The following LTBP1 variants were observed in gnomAD, a reference collection of about 807,000 sequenced individuals.
The protein encoded by LTBP1 is latent-transforming growth factor beta-binding protein 1.
Under a neutral mutation model 207.6 loss-of-function variants are expected in LTBP1, and 129 were observed. That is an observed-to-expected ratio of 0.62 (90% CI 0.54 to 0.72). The LOEUF (loss-of-function observed/expected upper bound fraction) is 0.72, where lower values mean the gene tolerates loss of function less well. Ranked by LOEUF, LTBP1 falls within the 30% of genes least tolerant of loss-of-function variation. The pLI is 0.00. For missense variants in LTBP1, 2,281 were observed against 2,217.2 expected (o/e 1.03, Z -0.58); for synonymous variants, 963 against 833.7 (o/e 1.16, Z -2.67).
At chr2:33,259,378 G>A (rs1408331244) in intron 12 of LTBP1, among the ~76,000 whole-genome samples, 1 of 152,224 alleles carries the variant, frequency 6.6e-6, no homozygotes, top group Non-Finnish European at 1.5e-5. Context: ...ATGTGCTCCA[G>A]TAGTTGAGGA....
chr2:33,080,139 G>T (rs2078311799), intron 3 of LTBP1, among the ~76,000 whole-genome samples: 1 of 152,104 alleles, frequency 6.6e-6, no homozygotes. Context: ...TGATTCTGCT[G>T]CCTCAGCCTC....
At chr2:33,380,553 G>C (rs1338675259) in intron 31 of LTBP1, among the ~76,000 whole-genome samples, 1 of 151,974 alleles carries the variant, frequency 6.6e-6, no homozygotes, top group Non-Finnish European at 1.5e-5. Context: ...TGGGGGACAA[G>C]AGTGAAACTC....
At position 33,398,432 on chromosome 2, in the gene LTBP1, G is replaced by A. The variant is rs150419741; in HGVS notation, c.5053G>A (p.Asp1685Asn). ...LCKNAKCINT[D>N]GSYKCLCLPG... ...CAAGAATGCCAAGTGCATTAACACC[G>A]ATGGTTCCTACAAGTGTTTGTGTCT... The change falls in exon 34 of 34, where the codon GAT (aspartate) becomes AAT (asparagine). Residue 1685 changes from aspartate (D) to asparagine (N), a missense_variant. Asp to Asn is a conservative substitution (Grantham distance 23, BLOSUM62 1). Around this residue, in one of 3 missense-constraint regions of LTBP1, gnomAD observed 1,671 missense variants for 1,634.8 expected, o/e 1.02. Coordinates refer to ENST00000404816, the MANE Select transcript of LTBP1 (RefSeq NM_206943.4). 9.9e-6 allele frequency: 16 copies of A among 1,614,050 alleles called. No homozygotes were observed. Among genetic ancestry groups the A allele is most frequent in the Admixed American group, 3.3e-5 (2 of 60,004 alleles).
chr2:33,203,268 A>G (rs552852466), intron 7 of LTBP1, among the ~76,000 whole-genome samples: 2 of 152,196 alleles, frequency 1.3e-5, no homozygotes, highest in African/African-American at 2.4e-5. Flanking sequence ...CCTGGAGTCA[A>G]GAAAGATCAG....
chr2:32,999,399 A>ACCTGAGTGACTTTATTAACTACCC (rs1474477643), intron 2 of LTBP1, among the ~76,000 whole-genome samples: 9 of 79,434 alleles, frequency 1.1e-4, no homozygotes, highest in Admixed American at 2.8e-4. Flanking sequence ...AGGCCTAGAC[A>ACCTGAGTGACTTTATTAACTACCC]TGGTGTGTGG....
chr2:33,043,260 T>TATA (rs1484958676), intron 3 of LTBP1, among the ~76,000 whole-genome samples: 1 of 152,318 alleles, frequency 6.6e-6, no homozygotes, highest in East Asian at 1.9e-4. Flanking sequence ...AACTCTTGTA[T>TATA]ATAACAGCTT....
At chr2:33,039,245 A>G (rs991062398) in intron 3 of LTBP1, among the ~76,000 whole-genome samples, 1 of 152,048 alleles carries the variant, frequency 6.6e-6, no homozygotes, top group Non-Finnish European at 1.5e-5. Flanking sequence ...ATTTAGGGGT[A>G]GGAAAGGGGC....
intron 2 of LTBP1, among the ~76,000 whole-genome samples, chr2:33,006,605 A>G (rs58153123): frequency 1.3e-5 from 2 of 150,574 alleles, no homozygotes; most frequent in South Asian, 2.1e-4. Flanking sequence ...CTGGTCTCAA[A>G]CTCCTGACTT....
rs1008343826 is a variant in LTBP1, at chr2:32,952,332, C to T, written c.565+3387C>T. Among the ~76,000 whole-genome samples, 9 of 152,364 alleles carry T rather than the reference C, an allele frequency of 5.9e-5. No individual in the cohort carries two copies. In the East Asian group the frequency reaches 1.7e-3, roughly 29 times the overall value. On this transcript the variant is annotated intron_variant, in intron 2 of 33. Coordinates refer to ENST00000404816, the MANE Select transcript of LTBP1 (RefSeq NM_206943.4). Reference sequence around the variant, plus strand: ...TATGTGCACTCACCAAAGTGGTCCTCTAGGCTGTAGCTGCCCAGTCACAAT... The same window carrying T: ...TATGTGCACTCACCAAAGTGGTCCTTTAGGCTGTAGCTGCCCAGTCACAAT...
chr2:33,121,615 C>T (rs2081126663), intron 4 of LTBP1, among the ~76,000 whole-genome samples: 1 of 152,152 alleles, frequency 6.6e-6, no homozygotes, highest in African/African-American at 2.4e-5. Context: ...GCTCTTCCTC[C>T]CACGCTTTCA....
chr2:33,353,456 A>G (rs142685818), intron 26 of LTBP1, among the ~76,000 whole-genome samples: 1 of 152,220 alleles, frequency 6.6e-6, no homozygotes, highest in East Asian at 1.9e-4. Context: ...CTCTGCATCC[A>G]CTGCAAAACA....
rs112566326 is a variant in LTBP1 at position 33,095,870 on chromosome 2, C to T, written c.864-14712C>T. On this transcript the variant is annotated intron_variant, in intron 3 of 33. Coordinates refer to ENST00000404816, the MANE Select transcript of LTBP1 (RefSeq NM_206943.4). ...ATTATTAAAGAAAAATGAATAAAAT[C>T]TCAGTGCTGTTGGAGTAATGTCATG... Among the ~76,000 whole-genome samples the T allele has an allele frequency of 8.7e-4, 133 of 152,088 alleles. 1 individual carries two copies. The highest frequency in any genetic ancestry group is 2.9e-3 in the African/African-American group (121 of 41,492).
rs1240033001 is a variant in LTBP1, at chr2:33,213,637, G to A, written c.1702-3915G>A. Among the ~76,000 whole-genome samples the A allele has an allele frequency of 2.0e-5, 3 of 152,184 alleles. No individual in the cohort carries two copies. The East Asian group carries it at 5.8e-4, about 29-fold the overall frequency. ...CCTATGGTGTTCAGTGGTCTCTTGG[G>A]TGAGAGCCCTGAGTATGGCCACAGA... On this transcript the variant is annotated intron_variant, in intron 7 of 33. Coordinates refer to ENST00000404816, the MANE Select transcript of LTBP1 (RefSeq NM_206943.4).
At chr2:33,339,368 T>C (rs2094589457) in intron 24 of LTBP1, among the ~76,000 whole-genome samples, 1 of 152,192 alleles carries the variant, frequency 6.6e-6, no homozygotes, top group Non-Finnish European at 1.5e-5. Context: ...TTGAAGTATT[T>C]CCGAGTTTCT....
At chr2:33,289,577 A>T (rs2093734044) in intron 19 of LTBP1, among the ~76,000 whole-genome samples, 1 of 152,108 alleles carries the variant, frequency 6.6e-6, no homozygotes, top group South Asian at 2.1e-4. Context: ...TGGTGGCCAG[A>T]CTGGTCTCAA....
intron 3 of LTBP1, among the ~76,000 whole-genome samples, chr2:33,101,520 C>T (rs2150140750): frequency 6.6e-6 from 1 of 152,260 alleles, no homozygotes; most frequent in East Asian, 1.9e-4. Context: ...CCTTATATCA[C>T]TATGAAGGAG....
intron 9 of LTBP1, among the ~76,000 whole-genome samples, chr2:33,239,335 G>A (rs952982892): frequency 7.2e-5 from 11 of 152,134 alleles, no homozygotes; most frequent in African/African-American, 2.7e-4. Context: ...CTCAGATGGG[G>A]ATAGGGAATG....
intron 19 of LTBP1, among the ~76,000 whole-genome samples, chr2:33,280,486 G>GC (rs1461272861): frequency 6.6e-6 from 1 of 152,034 alleles, no homozygotes; most frequent in Non-Finnish European, 1.5e-5. Context: ...GAGAGAAGAA[G>GC]CATCTACCAC....
At chr2:33,143,074 G>C (rs746979937) in intron 5 of LTBP1, among the ~76,000 whole-genome samples, 3 of 152,092 alleles carry the variant, frequency 2.0e-5, no homozygotes, top group Non-Finnish European at 4.4e-5. Flanking sequence ...GAGCCTCCAG[G>C]GATACCAAAG....
Sources: gnomAD v4.1 joint callset for allele counts (sites outside exome capture counted in the v4.1 genomes callset) on GRCh38, gnomAD v4.1.1 for gene constraint, gnomAD v4.1.1 regional missense constraint, MANE v1.5 for transcripts, NCBI Gene and HGNC (gene_info 2026-07-23, HGNC 2026-07-21) for gene names.